RAB3C: variants seen among roughly 807,000 people sequenced by gnomAD.
RAB3C encodes the protein ras-related protein Rab-3C.
RAB3C carries 17 observed loss-of-function variants against 26.4 expected under a neutral mutation model. The ratio of observed to expected loss-of-function variants is 0.64; its 90% confidence interval spans 0.44 to 0.97. The LOEUF is 0.97. Among genes scored for constraint, RAB3C ranks in the 50% least tolerant of loss-of-function variants. The pLI, the probability that RAB3C is intolerant of heterozygous loss-of-function variation, is 0.00. For synonymous variants in RAB3C, 91 were observed against 95.9 expected (o/e 0.95, Z 0.30); for missense variants, 242 against 281.9 (o/e 0.86, Z 1.01).
intron 3 of RAB3C, among the ~76,000 whole-genome samples, chr5:58,728,517 C>A (rs899485070): frequency 8.6e-5 from 13 of 152,030 alleles, no homozygotes; most frequent in Admixed American, 2.6e-4. Flanking sequence ...GGTGATCCAT[C>A]TTATTGCCAT....
chr5:58,648,306 A>C (rs158971), intron 2 of RAB3C, among the ~76,000 whole-genome samples: 3 of 152,096 alleles, frequency 2.0e-5, no homozygotes, highest in African/African-American at 7.2e-5. Flanking sequence ...CCATCCATGC[A>C]TTCAACAAAC....
intron 2 of RAB3C, among the ~76,000 whole-genome samples, chr5:58,720,457 C>T (rs1457952105): frequency 2.0e-5 from 3 of 151,798 alleles, no homozygotes; most frequent in Admixed American, 2.0e-4. Flanking sequence ...AAAACATTTT[C>T]TTTGGGCAAA....
intron 2 of RAB3C, among the ~76,000 whole-genome samples, chr5:58,685,959 C>T (rs1227802026): frequency 1.3e-5 from 2 of 150,622 alleles, no homozygotes; most frequent in African/African-American, 4.8e-5. Context: ...AAAGGTTATA[C>T]TTAATCTGCA....
chr5:58,743,854 C>T (rs7734741), intron 3 of RAB3C, among the ~76,000 whole-genome samples: 1 of 152,138 alleles, frequency 6.6e-6, no homozygotes, highest in South Asian at 2.1e-4. Flanking sequence ...ATTGAACTTT[C>T]ATGTCGAGTG....
At chr5:58,805,587 C>G (rs1350451484) in intron 3 of RAB3C, among the ~76,000 whole-genome samples, 1 of 39,982 alleles carries the variant, frequency 2.5e-5, no homozygotes, top group African/African-American at 8.0e-5. Flanking sequence ...AAGACTCCAT[C>G]TGAAAAAAAA....
chr5:58,717,643 C>T (rs958642047), intron 2 of RAB3C, among the ~76,000 whole-genome samples: 10 of 152,080 alleles, frequency 6.6e-5, no homozygotes, highest in Non-Finnish European at 1.0e-4. Flanking sequence ...CTTTCCACAC[C>T]TCATCCAGGA....
chr5:58,680,928 C>T (rs1301994683), intron 2 of RAB3C, among the ~76,000 whole-genome samples: 1 of 152,172 alleles, frequency 6.6e-6, no homozygotes, highest in East Asian at 1.9e-4. Context: ...TTATTCAGCC[C>T]ACCACATCCC....
chr5:58,710,420 G>A (rs556680197), intron 2 of RAB3C, among the ~76,000 whole-genome samples: 124 of 151,664 alleles, frequency 8.2e-4, no homozygotes, highest in African/African-American at 1.8e-3. Flanking sequence ...CCAACATTGC[G>A]AAACCCCATT....
At chr5:58,601,333 T>C (rs1215773838) in intron 1 of RAB3C, among the ~76,000 whole-genome samples, 3 of 152,140 alleles carry the variant, frequency 2.0e-5, no homozygotes, top group African/African-American at 7.2e-5. Flanking sequence ...TTCCTGATTT[T>C]GGTATTAAGG....
chr5:58,694,332 A>T (rs529605815), intron 2 of RAB3C, among the ~76,000 whole-genome samples: 27 of 152,290 alleles, frequency 1.8e-4, no homozygotes, highest in African/African-American at 6.5e-4. Flanking sequence ...CTAGTCTATC[A>T]TTGATGGACA....
At chr5:58,745,193 C>T (rs1190556643) in intron 3 of RAB3C, among the ~76,000 whole-genome samples, 6 of 151,842 alleles carry the variant, frequency 4.0e-5, no homozygotes, top group Non-Finnish European at 7.4e-5. Context: ...GTCAGGAGAT[C>T]GAGACCATCC....
At chr5:58,583,311 A>C in intron 1 of RAB3C, 79 bp downstream of exon 1, 1 of 1,601,698 alleles carries the variant, frequency 6.2e-7, no homozygotes, top group Non-Finnish European at 8.5e-7. Flanking sequence ...CAAGCAGTTC[A>C]ACGTAAGGAA....
At chr5:58,630,130 G>A (rs1213718875) in intron 2 of RAB3C, among the ~76,000 whole-genome samples, 1 of 152,208 alleles carries the variant, frequency 6.6e-6, no homozygotes, top group Non-Finnish European at 1.5e-5. Flanking sequence ...AGGGTTTTGG[G>A]TGTCTGATAG....
intron 4 of RAB3C, among the ~76,000 whole-genome samples, chr5:58,842,741 C>T (rs995187647): frequency 3.3e-5 from 5 of 152,154 alleles, no homozygotes; most frequent in Admixed American, 6.5e-5. Context: ...GATTTAATTA[C>T]GACTTTCAGA....
intron 2 of RAB3C, among the ~76,000 whole-genome samples, chr5:58,640,375 C>G (rs1419493386): frequency 6.6e-6 from 1 of 152,184 alleles, no homozygotes; most frequent in African/African-American, 2.4e-5. Context: ...TTCCCCCAAA[C>G]CTTACGCGTT....
At chr5:58,847,570 A>C (rs571250566) in intron 4 of RAB3C, among the ~76,000 whole-genome samples, 21 of 152,188 alleles carry the variant, frequency 1.4e-4, no homozygotes, top group Admixed American at 2.0e-4. Flanking sequence ...TGGTTGCATT[A>C]GTGGTTATAA....
intron 2 of RAB3C, among the ~76,000 whole-genome samples, chr5:58,710,796 C>T (rs984543652): frequency 6.6e-6 from 1 of 152,048 alleles, no homozygotes; most frequent in African/African-American, 2.4e-5. Context: ...CTCTCTATGG[C>T]GTACATGATG....
rs138152333 is a variant in RAB3C at position 58,735,247 on chromosome 5, T to TG, written c.371+9128dup. Among the ~76,000 whole-genome samples the TG allele has an allele frequency of 6.7e-4, 102 of 152,292 alleles. 1 individual carries two copies. The East Asian group carries it at 0.015, about 22-fold the overall frequency. On this transcript the variant is annotated intron_variant, in intron 3 of 4. Coordinates refer to ENST00000282878, the MANE Select transcript of RAB3C (RefSeq NM_138453.4). ...TGTGAAAGGGCACTTGTTTACAGTG[T>TG]GAGCAGGGCCTTGTTCAGCCTTAGC...
At chr5:58,849,857 A>AT (rs1744077397) in intron 4 of RAB3C, among the ~76,000 whole-genome samples, 1 of 152,198 alleles carries the variant, frequency 6.6e-6, no homozygotes, top group African/African-American at 2.4e-5. Context: ...TATTTGAGGG[A>AT]TTTTGACATG....
Sources: allele counts gnomAD v4.1 joint callset (sites outside exome capture counted in the v4.1 genomes callset), GRCh38; gene constraint gnomAD v4.1.1; transcripts MANE v1.5; gene names NCBI Gene and HGNC (gene_info 2026-07-23, HGNC 2026-07-21).